ATP2C2: variants seen among roughly 807,000 people sequenced by gnomAD.
The protein encoded by ATP2C2 is ATPase secretory pathway Ca2+ transporting 2.
In ATP2C2, 171 loss-of-function variants were observed where a neutral mutation model predicts 110.8. That is an observed-to-expected ratio of 1.54 (90% CI 1.36 to 1.75). The LOEUF (loss-of-function observed/expected upper bound fraction) is 1.75. ATP2C2 is among the 40% of genes most tolerant of loss of function. ATP2C2 has a pLI of 0.00. For missense variants in ATP2C2, 1,963 were observed against 1,235.0 expected (o/e 1.59, Z -8.84); for synonymous variants, 804 against 508.4 (o/e 1.58, Z -7.82).
chr16:84,460,852 C>T (rs138039878), intron 24 of ATP2C2, 51 bp downstream of exon 24: 25,539 of 1,557,646 alleles, frequency 0.016, 275 homozygotes, highest in Non-Finnish European at 0.02. Context: ...GCGGTGCAGA[C>T]GCTGGGGACT....
chr16:84,458,487 G>A (rs1441353863), intron 21 of ATP2C2, among the ~76,000 whole-genome samples: 4 of 38,694 alleles, frequency 1.0e-4, no homozygotes, highest in African/African-American at 1.9e-4. Flanking sequence ...CTAAAACTTA[G>A]AGTATAATAA....
At chr16:84,424,570 A>G (rs941225128) in intron 10 of ATP2C2, among the ~76,000 whole-genome samples, 4 of 100,504 alleles carry the variant, frequency 4.0e-5, no homozygotes, top group African/African-American at 1.9e-4. Context: ...GAGCCACCGC[A>G]CTGGGCTTTT....
intron 11 of ATP2C2, among the ~76,000 whole-genome samples, chr16:84,426,933 C>T (rs1386354924): frequency 6.6e-6 from 1 of 152,166 alleles, no homozygotes; most frequent in East Asian, 1.9e-4. Context: ...ACGGGCAGCC[C>T]AGCATCGTGC....
At chr16:84,378,056 G>C (rs561385081) in intron 1 of ATP2C2, among the ~76,000 whole-genome samples, 27 of 152,330 alleles carry the variant, frequency 1.8e-4, no homozygotes, top group African/African-American at 6.0e-4. Context: ...ACAGGGAAGA[G>C]AGGGGCCCAA....
At chr16:84,402,367 A>G (rs918503768) in intron 2 of ATP2C2, among the ~76,000 whole-genome samples, 1 of 152,184 alleles carries the variant, frequency 6.6e-6, no homozygotes, top group Non-Finnish European at 1.5e-5. Context: ...GTTGAATAGT[A>G]GTGGTAAAAG....
intron 11 of ATP2C2, among the ~76,000 whole-genome samples, chr16:84,426,648 T>A (rs1907838390): frequency 6.6e-6 from 1 of 152,022 alleles, no homozygotes; most frequent in African/African-American, 2.4e-5. Flanking sequence ...CTGTCTGGAT[T>A]AAAGGAGTTA....
At position 84,372,902 on chromosome 16, in the gene ATP2C2, C is replaced by T. The variant is rs149427721; in HGVS notation, c.99+4188C>T. On this transcript the variant is annotated intron_variant, in intron 1 of 26. Transcript: ENST00000262429. ...TTGGGAGGCTGAGGCGTGCAGATCA[C>T]TTGAGTTCAGGAGTTCAAGACCAAC... Among the ~76,000 whole-genome samples, 1,045 of 151,856 alleles carry T rather than the reference C, an allele frequency of 6.9e-3. 8 individuals carry two copies. Among genetic ancestry groups the T allele is most frequent in the South Asian group, 0.022 (106 of 4,778 alleles).
intron 1 of ATP2C2, among the ~76,000 whole-genome samples, chr16:84,389,747 G>C (rs1904539752): frequency 7.0e-6 from 1 of 142,120 alleles, no homozygotes; most frequent in Admixed American, 7.3e-5. Context: ...TTGAGATGGA[G>C]TTTAGCTCTG....
chr16:84,460,763 A>G lies in ATP2C2; in HGVS notation c.2443A>G (p.Ile815Val), dbSNP rs754022570. ...CCTGAAGATCCTCATGTCCGCGGCC[A>G]TCATCATCAGCGGGACCCTCTTTAT... ...LILKILMSAA[I>V]IISGTLFIFW... is the part of the protein sequence containing the mutation. The change falls in exon 24 of 27, where the codon ATC (isoleucine) becomes GTC (valine). Residue 815 changes from isoleucine to valine, a missense_variant. Transcript: ENST00000262429. 3 of 1,614,034 alleles carry G rather than the reference A, an allele frequency of 1.9e-6. No homozygotes were observed. Among genetic ancestry groups the G allele is most frequent in the South Asian group, 1.1e-5 (1 of 91,082 alleles).
chr16:84,451,209 C>T (rs1315177491), intron 17 of ATP2C2, among the ~76,000 whole-genome samples: 1 of 152,128 alleles, frequency 6.6e-6, no homozygotes, highest in East Asian at 1.9e-4. Context: ...CTCATAAAAC[C>T]ATCAGCTCTC....
intron 11 of ATP2C2, among the ~76,000 whole-genome samples, chr16:84,437,596 A>G (rs946563243): frequency 1.3e-5 from 2 of 151,904 alleles, no homozygotes; most frequent in African/African-American, 2.4e-5. Flanking sequence ...GTTCACTGCA[A>G]CCTCCGCCTC....
chr16:84,460,539 G>A lies in ATP2C2; in HGVS notation c.2334-115G>A, dbSNP rs377491495. On this transcript the variant is annotated intron_variant, in intron 23 of 26. Coordinates refer to ENST00000262429, the MANE Select transcript of ATP2C2 (RefSeq NM_014861.4). Reference sequence around the variant, plus strand: ...CGATGCCTGGGGGCGTTCAGCAAATGCCTGGCCCTGCCCCCTGTGCCAACT... The same window carrying A: ...CGATGCCTGGGGGCGTTCAGCAAATACCTGGCCCTGCCCCCTGTGCCAACT... The A allele has an allele frequency of 5.6e-5, 82 of 1,456,740 alleles. No individual in the cohort carries two copies. The East Asian group carries it at 1.8e-3, about 32-fold the overall frequency. The allele number at this position is 1,456,740 out of a possible 1,614,324, so 90.2% of individuals were successfully genotyped here. A position where few individuals can be genotyped will look rare whatever the true frequency, so the allele number is the denominator to read the frequency against.
intron 1 of ATP2C2, among the ~76,000 whole-genome samples, chr16:84,385,289 T>C (rs1407441162): frequency 6.6e-6 from 1 of 151,508 alleles, no homozygotes; most frequent in Non-Finnish European, 1.5e-5. Flanking sequence ...TGACGAGATC[T>C]CACGAGAACT....
chr16:84,383,420 G>A (rs1298477833), intron 1 of ATP2C2, among the ~76,000 whole-genome samples: 3 of 152,216 alleles, frequency 2.0e-5, no homozygotes, highest in African/African-American at 7.2e-5. Flanking sequence ...GAAGGTGCGC[G>A]TGATGATAAG....
chr16:84,464,005 A>C lies in ATP2C2; in HGVS notation c.*273A>C. 1 of 342,978 alleles carries C rather than the reference A, an allele frequency of 2.9e-6. No homozygotes were observed. The highest frequency in any genetic ancestry group is 5.5e-5 in the East Asian group (1 of 18,112). The allele number at this position is 342,978 out of a possible 1,614,324, so 21.2% of individuals were successfully genotyped here. A position where few individuals can be genotyped will look rare whatever the true frequency, so the allele number is the denominator to read the frequency against. ...TAAATCACAATGATTTTTATTAACC[A>C]TGTCTAACTACGTATCTGTGCCACA... On this transcript the variant is annotated 3_prime_UTR_variant, in exon 27 of 27. Coordinates refer to ENST00000262429, the MANE Select transcript of ATP2C2 (RefSeq NM_014861.4).
In ATP2C2 at chr16:84,463,764, A is replaced by C. The variant is rs1338287048; in HGVS notation, c.*32A>C. 1 of 1,559,328 alleles carries C rather than the reference A, an allele frequency of 6.4e-7. No individual in the cohort carries two copies. Among genetic ancestry groups the C allele is most frequent in the Admixed American group, 1.7e-5 (1 of 59,912 alleles). The stretch of plus-strand genomic sequence containing the variant: ...GCACTCCGCGGCACCTTCCCTAATC[A>C]TCTCGATCTGGTTGTGACTGTGGCC... On this transcript the variant is annotated 3_prime_UTR_variant, in exon 27 of 27. Coordinates refer to ENST00000262429, the MANE Select transcript of ATP2C2 (RefSeq NM_014861.4).
intron 1 of ATP2C2, among the ~76,000 whole-genome samples, chr16:84,388,901 A>G (rs928914778): frequency 1.3e-5 from 2 of 152,228 alleles, no homozygotes; most frequent in Middle Eastern, 3.4e-3. Flanking sequence ...CCTCCTGAGT[A>G]GCTGGGGCTA....
chr16:84,403,006 CT>C (rs1905438782), intron 2 of ATP2C2, among the ~76,000 whole-genome samples: 1 of 152,094 alleles, frequency 6.6e-6, no homozygotes, highest in Admixed American at 6.6e-5. Flanking sequence ...ATGGTTCCAT[CT>C]TGGTAGGTTC....
intron 24 of ATP2C2, chr16:84,461,434 C>T: frequency 1.8e-6 from 1 of 560,534 alleles, no homozygotes; most frequent in Non-Finnish European, 3.2e-6. Flanking sequence ...GTGGCATCAC[C>T]TCCCAGGGAG....
Sources: gnomAD v4.1 joint callset for allele counts (sites outside exome capture counted in the v4.1 genomes callset) on GRCh38, gnomAD v4.1.1 for gene constraint, MANE v1.5 for transcripts, NCBI Gene and HGNC (gene_info 2026-07-23, HGNC 2026-07-21) for gene names.